The following CDC42SE1 variants were observed in gnomAD, a reference collection of about 807,000 sequenced individuals.
CDC42SE1 encodes CDC42 small effector protein 1.
Under a neutral mutation model 10.9 loss-of-function variants are expected in CDC42SE1, and 10 were observed. The observed-to-expected ratio is 0.92, with a 90% CI of 0.57 to 1.56. The LOEUF is 1.56. Ranked by LOEUF, CDC42SE1 falls within the 40% of genes most tolerant of loss-of-function variation. The probability of loss-of-function intolerance (pLI) is 0.00; values close to 1 mark genes in which losing one functional copy is unlikely to be tolerated. For missense variants in CDC42SE1, 81 were observed against 100.8 expected, an observed-to-expected ratio of 0.80 and a Z score of 0.84; for synonymous variants, 24 against 32.0, an observed-to-expected ratio of 0.75 and a Z score of 0.85.
chr1:151,055,148 T>C lies in CDC42SE1; in HGVS notation c.55-22A>G, dbSNP rs377412837. On this transcript the variant is annotated intron_variant, in intron 2 of 4. Coordinates refer to ENST00000357235, the MANE Select transcript of CDC42SE1 (RefSeq NM_020239.4). The stretch of plus-strand genomic sequence containing the variant: ...TCTTCTGCTTGGAGAAGATAAGGAG[T>C]CATGTCTTAAGGCCCCTCCTCCAGT... The C allele has an allele frequency of 4.4e-6, 7 of 1,579,660 alleles. No individual in the cohort carries two copies. The Admixed American group carries it at 5.0e-5, about 11-fold the overall frequency.
At chr1:151,054,159 G>A (rs77503411) in intron 4 of CDC42SE1, 72 bp downstream of exon 4, 10,944 of 982,964 alleles carry the variant, frequency 0.011, 91 homozygotes, top group Non-Finnish European at 0.015. Flanking sequence ...TAAGATCAGG[G>A]TTCTGAGTCA....
chr1:151,055,228 G>A, intron 2 of CDC42SE1, 102 bp from the exon 3 acceptor site: 1 of 827,044 alleles, frequency 1.2e-6, no homozygotes, highest in East Asian at 2.4e-5. Flanking sequence ...TAAGGGCCTG[G>A]TGGGAAGAGG....
chr1:151,053,353 A>G (rs928351615), intron 4 of CDC42SE1, 26 bp from the exon 5 acceptor site: 12 of 152,566 alleles, frequency 7.9e-5, no homozygotes, highest in African/African-American at 2.4e-4. Flanking sequence ...AGTTTTTCTT[A>G]AAGAAGATTA....
In CDC42SE1 at chr1:151,051,426, TCA is replaced by T. The variant is rs1448197289; in HGVS notation, c.*1916_*1917del. Reference sequence around the variant, plus strand: ...AAAAAAAAAAAAAAAAAAAAGAACCTCAGTCACTGTTCTGTAGGGATAAGCAA... The same window carrying T: ...AAAAAAAAAAAAAAAAAAAAGAACCTGTCACTGTTCTGTAGGGATAAGCAA... On this transcript the variant is annotated 3_prime_UTR_variant, in exon 5 of 5. Coordinates refer to ENST00000357235, the MANE Select transcript of CDC42SE1 (RefSeq NM_020239.4). The T allele has an allele frequency of 2.5e-5, 1 of 40,232 alleles. No homozygotes were observed. The highest frequency in any genetic ancestry group is 5.8e-5 in the Non-Finnish European group (1 of 17,352). The allele number at this position is 40,232 out of a possible 1,614,324, so 2.5% of individuals were successfully genotyped here.
At chr1:151,056,319 C>T (rs763492557) in intron 1 of CDC42SE1, among the ~76,000 whole-genome samples, 1 of 152,142 alleles carries the variant, frequency 6.6e-6, no homozygotes, top group Non-Finnish European at 1.5e-5. Context: ...ATACAAGCTC[C>T]AGCTCCCTTC....
chr1:151,055,812 A>T lies in CDC42SE1; in HGVS notation c.-82T>A, dbSNP rs1466366285. ...CTGGTGTTTGGACAACCCACTCCTC[A>T]CTCTCCCCAGATACACCACCACCCT... On this transcript the variant is annotated 5_prime_UTR_variant, in exon 2 of 5. Coordinates refer to ENST00000357235, the MANE Select transcript of CDC42SE1 (RefSeq NM_020239.4). The T allele has an allele frequency of 4.3e-6, 5 of 1,166,920 alleles. No homozygotes were observed. The highest frequency in any genetic ancestry group is 1.3e-5 in the South Asian group (1 of 77,898). 72.3% of individuals were successfully genotyped at this position (1,166,920 alleles called of 1,614,324 possible).
intron 1 of CDC42SE1, 119 bp downstream of exon 1, chr1:151,059,360 C>G (rs1676357042): frequency 6.6e-6 from 1 of 152,606 alleles, no homozygotes; most frequent in Non-Finnish European, 1.5e-5. Flanking sequence ...CCCTTTCCCA[C>G]CACCCCAGCA....
intron 1 of CDC42SE1, among the ~76,000 whole-genome samples, chr1:151,056,461 GTTTC>G (rs1489855131): frequency 6.6e-6 from 1 of 152,182 alleles, no homozygotes; most frequent in African/African-American, 2.4e-5. Flanking sequence ...AACGCCTAGA[GTTTC>G]TTTAAGAACA....
In CDC42SE1 at chr1:151,051,669, C is replaced by T. The variant is rs1213528451; in HGVS notation, c.*1675G>A. 1 of 152,558 alleles carries T rather than the reference C, an allele frequency of 6.6e-6. No individual in the cohort carries two copies. Among genetic ancestry groups the T allele is most frequent in the Non-Finnish European group, 1.5e-5 (1 of 68,040 alleles). 9.5% of individuals were successfully genotyped at this position (152,558 alleles called of 1,614,324 possible). ...GAGAATACTGAAAGTGCCTAAAAAC[C>T]CCTGCTCCTACGTTGTTTTCCCATT... On this transcript the variant is annotated 3_prime_UTR_variant, in exon 5 of 5. Coordinates refer to ENST00000357235, the MANE Select transcript of CDC42SE1 (RefSeq NM_020239.4).
chr1:151,054,890 G>T, intron 3 of CDC42SE1, 126 bp downstream of exon 3: 2 of 697,538 alleles, frequency 2.9e-6, no homozygotes, highest in Non-Finnish European at 2.5e-6. Context: ...CTGGTGACCA[G>T]GACTAGAATC....
rs114315156 is a variant in CDC42SE1, at chr1:151,057,646, C to T, written c.-263-1653G>A. The T allele has an allele frequency of 0.047, 7,097 of 152,060 alleles. 280 individuals carry two copies. Among genetic ancestry groups the T allele is most frequent in the African/African-American group, 0.1 (4,136 of 41,280 alleles). The allele number at this position is 152,060 out of a possible 1,614,324, so 9.4% of individuals were successfully genotyped here. ...GCGGCTACAGTGAGCCATGTTTGCA[C>T]CCCTGCACTCCAGCCTGGGTGACAG... On this transcript the variant is annotated intron_variant, in intron 1 of 4. Transcript: ENST00000357235. This position sits in a 1 kb window ranked among gnomAD's most constrained non-coding sequence, Gnocchi z 4.0.
chr1:151,055,398 G>A, intron 2 of CDC42SE1: 1 of 597,060 alleles, frequency 1.7e-6, no homozygotes, highest in Non-Finnish European at 3.0e-6. Context: ...GACTGATGAT[G>A]AAATAATGGG....
At chr1:151,056,303 G>A (rs1676276929) in intron 1 of CDC42SE1, among the ~76,000 whole-genome samples, 1 of 152,166 alleles carries the variant, frequency 6.6e-6, no homozygotes, top group Non-Finnish European at 1.5e-5. Context: ...AGCAAAGTTT[G>A]GGGTGATACA....
Position 151,055,942 on chromosome 1 carries a change from G to T in CDC42SE1, c.-212C>A, listed in dbSNP as rs1478143443. ...AGCCTGAGAGATGAACAGGACCAGA[G>T]AGAGAGGTGGGCAGGCAGGCACAAG... On this transcript the variant is annotated 5_prime_UTR_variant, in exon 2 of 5. Coordinates refer to ENST00000357235, the MANE Select transcript of CDC42SE1 (RefSeq NM_020239.4). The T allele has an allele frequency of 1.4e-5, 8 of 586,326 alleles. No individual in the cohort carries two copies. 36.3% of individuals were successfully genotyped at this position (586,326 alleles called of 1,614,324 possible).
chr1:151,058,565 T>A (rs1163665105), intron 1 of CDC42SE1: 1 of 152,186 alleles, frequency 6.6e-6, no homozygotes, highest in African/African-American at 2.4e-5. Flanking sequence ...GGATGAGGAT[T>A]AGACCTCATA....
chr1:151,057,083 T>C lies in CDC42SE1; in HGVS notation c.-263-1090A>G, dbSNP rs1362361519. Reference sequence around the variant, plus strand: ...CATCTGGGTTTCTTCTTAGACTCACTTGCATTTCCCCAGTCCTATAGTACA... The same window carrying C: ...CATCTGGGTTTCTTCTTAGACTCACCTGCATTTCCCCAGTCCTATAGTACA... On this transcript the variant is annotated intron_variant, in intron 1 of 4. Transcript: ENST00000357235. The surrounding 1 kb of genome is among the most constrained non-coding windows in gnomAD (Gnocchi z 4.0). Among the ~76,000 whole-genome samples, 1 of 152,194 alleles carries C rather than the reference T, an allele frequency of 6.6e-6. No individual in the cohort carries two copies. The highest frequency in any genetic ancestry group is 1.5e-5 in the Non-Finnish European group (1 of 68,026).
Position 151,053,430 on chromosome 1 carries a change from AGT to A in CDC42SE1, c.*17-105_*17-104del, listed in dbSNP as rs1676220215. ...AGTGCAGACTTTAAGCTATTTCCACAGTGTGTTCTTTACTTCTGTCTGCACAA... is the reference window on the plus strand; with the variant it reads ...AGTGCAGACTTTAAGCTATTTCCACAGTGTTCTTTACTTCTGTCTGCACAA... On this transcript the variant is annotated intron_variant, in intron 4 of 4. Coordinates refer to ENST00000357235, the MANE Select transcript of CDC42SE1 (RefSeq NM_020239.4). 2.6e-5 allele frequency: 4 copies of A among 152,346 alleles called. No homozygotes were observed. In the South Asian group the frequency reaches 8.3e-4, roughly 32 times the overall value. 9.4% of individuals were successfully genotyped at this position (152,346 alleles called of 1,614,324 possible).
rs751288539 is a variant in CDC42SE1, at chr1:151,052,888, AAGG to A, written c.*453_*455del. 3.3e-5 allele frequency: 5 copies of A among 152,200 alleles called. No homozygotes were observed. The highest frequency in any genetic ancestry group is 7.3e-5 in the Non-Finnish European group (5 of 68,068). 9.4% of individuals were successfully genotyped at this position (152,200 alleles called of 1,614,324 possible). ...ATCTGCTTTAGTTCATTCCAGCAGG[AAGG>A]AGGAGAAGGGCAGGGAGGTAGGGAG... is the stretch of plus-strand genomic sequence containing the variant. On this transcript the variant is annotated 3_prime_UTR_variant, in exon 5 of 5. Coordinates refer to ENST00000357235, the MANE Select transcript of CDC42SE1 (RefSeq NM_020239.4).
chr1:151,054,450 T>C, intron 3 of CDC42SE1, 129 bp from the exon 4 acceptor site: 3 of 750,716 alleles, frequency 4.0e-6, no homozygotes, highest in Non-Finnish European at 7.0e-6. Flanking sequence ...CTAACCACCA[T>C]TCCTCCTAGG....
Sources: allele counts gnomAD v4.1 joint callset (sites outside exome capture counted in the v4.1 genomes callset), GRCh38; gene constraint gnomAD v4.1.1; non-coding constraint Gnocchi (gnomAD v3.1); transcripts MANE v1.5; gene names NCBI Gene and HGNC (gene_info 2026-07-23, HGNC 2026-07-21).